PRKCZ: variants seen among roughly 807,000 people sequenced by gnomAD.
PRKCZ encodes the protein protein kinase C zeta type.
PRKCZ carries 33 observed loss-of-function variants against 79.5 expected under a neutral mutation model. That is an observed-to-expected ratio of 0.41 (90% CI 0.31 to 0.55). The LOEUF (loss-of-function observed/expected upper bound fraction) is 0.55. Ranked by LOEUF, PRKCZ falls within the 20% of genes least tolerant of loss-of-function variation. PRKCZ has a pLI of 0.19. For missense variants in PRKCZ, 578 were observed against 813.5 expected (o/e 0.71, Z 3.52); for synonymous variants, 342 against 320.9 (o/e 1.07, Z -0.70).
chr1:2,146,155 ACC>A (rs759552311), intron 7 of PRKCZ, 47 bp downstream of exon 7: 2 of 1,527,178 alleles, frequency 1.3e-6, no homozygotes, highest in African/African-American at 2.7e-5. Flanking sequence ...GCATCACCTC[ACC>A]CTGCTCACCT....
In PRKCZ at chr1:2,094,457, G is replaced by A. The variant is rs1666077678; in HGVS notation, c.334+34866G>A. ...CGTTCTGAGGCACCCGCTGTGCCCG[G>A]CTCGTTGAACCTTGGGCGCTGCCCG... On this transcript the variant is annotated intron_variant, in intron 4 of 17. Coordinates refer to ENST00000378567, the MANE Select transcript of PRKCZ (RefSeq NM_002744.6). The surrounding 1 kb of genome is among the most constrained non-coding windows in gnomAD (Gnocchi z 7.3). Among the ~76,000 whole-genome samples the A allele has an allele frequency of 6.8e-6, 1 of 147,032 alleles. No homozygotes were observed. Among genetic ancestry groups the A allele is most frequent in the Admixed American group, 6.7e-5 (1 of 14,930 alleles).
intron 4 of PRKCZ, among the ~76,000 whole-genome samples, chr1:2,095,731 A>G (rs6603814): frequency 9.0e-6 from 1 of 111,080 alleles, no homozygotes; most frequent in Admixed American, 8.7e-5. Context: ...TTCCCTCCCC[A>G]CCTTTCCGCT....
intron 4 of PRKCZ, among the ~76,000 whole-genome samples, chr1:2,102,877 C>T (rs939992563): frequency 2.2e-4 from 33 of 151,926 alleles, no homozygotes; most frequent in African/African-American, 7.5e-4. Context: ...TGGCCCCTCC[C>T]CCCGTCTGTC....
At chr1:2,175,032 T>C (rs907576738) in intron 15 of PRKCZ, among the ~76,000 whole-genome samples, 192 bp from the exon 16 acceptor site, 1 of 152,120 alleles carries the variant, frequency 6.6e-6, no homozygotes, top group Admixed American at 6.5e-5. Flanking sequence ...TGAGAATGTG[T>C]GCCCAAGGAA....
intron 4 of PRKCZ, among the ~76,000 whole-genome samples, chr1:2,066,940 C>T (rs1661170105): frequency 6.6e-6 from 1 of 152,158 alleles, no homozygotes; most frequent in African/African-American, 2.4e-5. Context: ...GCATTGCTTT[C>T]CCTGCATCCC....
intron 4 of PRKCZ, among the ~76,000 whole-genome samples, chr1:2,062,831 C>T (rs116634602): frequency 0.028 from 4,229 of 152,110 alleles, 195 homozygotes; most frequent in African/African-American, 0.098. Context: ...CACTGGTATT[C>T]GATATTCGCA....
intron 4 of PRKCZ, among the ~76,000 whole-genome samples, chr1:2,096,795 G>A (rs2102543233): frequency 6.6e-6 from 1 of 152,326 alleles, no homozygotes. Context: ...GCAGCCAAGG[G>A]AAGGGTCAGC....
At chr1:2,132,361 G>A (rs1215083221) in intron 4 of PRKCZ, among the ~76,000 whole-genome samples, 4 of 152,238 alleles carry the variant, frequency 2.6e-5, no homozygotes, top group African/African-American at 9.6e-5. Flanking sequence ...AGGAGCGAGC[G>A]TTTCTGAGCT....
chr1:2,064,817 T>C (rs1323853148), intron 4 of PRKCZ, among the ~76,000 whole-genome samples: 1 of 152,242 alleles, frequency 6.6e-6, no homozygotes, highest in Non-Finnish European at 1.5e-5. Context: ...TTCTTCCTTT[T>C]CAAGATTGTT....
chr1:2,069,759 G>A (rs1217909291), intron 4 of PRKCZ, among the ~76,000 whole-genome samples: 2 of 152,184 alleles, frequency 1.3e-5, no homozygotes, highest in Admixed American at 6.5e-5. Context: ...GGCCCATCAT[G>A]TGGAGGGAGG....
intron 4 of PRKCZ, among the ~76,000 whole-genome samples, chr1:2,111,987 C>T (rs1340593185): frequency 6.6e-6 from 1 of 152,218 alleles, no homozygotes; most frequent in African/African-American, 2.4e-5. Context: ...TGGCACCTTC[C>T]TTTCACCTTA....
intron 4 of PRKCZ, among the ~76,000 whole-genome samples, chr1:2,069,041 G>C (rs969729760): frequency 3.9e-5 from 6 of 152,180 alleles, no homozygotes; most frequent in Non-Finnish European, 2.9e-5. Flanking sequence ...ACGGGGACAC[G>C]TGGCCTGGTT....
At chr1:2,069,395 G>A (rs971343946) in intron 4 of PRKCZ, among the ~76,000 whole-genome samples, 1 of 152,154 alleles carries the variant, frequency 6.6e-6, no homozygotes, top group African/African-American at 2.4e-5. Context: ...AAAGGGAGTG[G>A]GTGTCCAGAA....
chr1:2,091,445 C>T (rs1665484060), intron 4 of PRKCZ, among the ~76,000 whole-genome samples: 1 of 152,222 alleles, frequency 6.6e-6, no homozygotes, highest in Non-Finnish European at 1.5e-5. Flanking sequence ...AGCCAATCTC[C>T]AGAATTTCAT....
At chr1:2,087,494 T>C (rs2102447573) in intron 4 of PRKCZ, among the ~76,000 whole-genome samples, 1 of 152,300 alleles carries the variant, frequency 6.6e-6, no homozygotes, top group South Asian at 2.1e-4. Flanking sequence ...CACCTGTGGA[T>C]GGCATCCCGA....
chr1:2,170,661 T>C (rs567189458), intron 11 of PRKCZ, among the ~76,000 whole-genome samples: 1 of 152,246 alleles, frequency 6.6e-6, no homozygotes, highest in East Asian at 1.9e-4. Context: ...CGCCCCAGCC[T>C]CACATCCTCA....
chr1:2,048,522 G>T (rs1003478241), upstream of PRKCZ, among the ~76,000 whole-genome samples: 2 of 151,558 alleles, frequency 1.3e-5, no homozygotes, highest in Non-Finnish European at 2.9e-5. Flanking sequence ...AAAGACGGAG[G>T]CCGGGGCAGC....
At chr1:2,102,551 C>G (rs1667651699) in intron 4 of PRKCZ, among the ~76,000 whole-genome samples, 1 of 151,970 alleles carries the variant, frequency 6.6e-6, no homozygotes, top group African/African-American at 2.4e-5. Context: ...CCGGGATGGT[C>G]TCGATCTCCT....
At chr1:2,151,443 G>A (rs1679888975) in intron 9 of PRKCZ, among the ~76,000 whole-genome samples, 1 of 152,224 alleles carries the variant, frequency 6.6e-6, no homozygotes, top group Non-Finnish European at 1.5e-5. Context: ...TGAGTTTTAG[G>A]ATGTCATCAC....
Sources: allele counts gnomAD v4.1 joint callset (sites outside exome capture counted in the v4.1 genomes callset), GRCh38; gene constraint gnomAD v4.1.1; non-coding constraint Gnocchi (gnomAD v3.1); transcripts MANE v1.5; gene names NCBI Gene and HGNC (gene_info 2026-07-23, HGNC 2026-07-21).